The following SIM2 variants were observed in gnomAD, a reference collection of about 807,000 sequenced individuals.
The protein encoded by SIM2 is SIM bHLH transcription factor 2, also known as single-minded homolog 2.
A neutral mutation model predicts 64.8 loss-of-function variants in SIM2; 28 were observed. That is an observed-to-expected ratio of 0.43 (90% CI 0.32 to 0.59). The LOEUF (loss-of-function observed/expected upper bound fraction) is 0.59, where lower values mean the gene tolerates loss of function less well. SIM2 is among the 20% of genes least tolerant of loss of function. SIM2 has a pLI of 0.07. For missense variants in SIM2, 847 were observed against 871.4 expected (o/e 0.97, Z 0.35); for synonymous variants, 408 against 391.1 (o/e 1.04, Z -0.51).
At chr21:36,709,543 G>A in intron 2 of SIM2, 1 of 571,908 alleles carries the variant, frequency 1.7e-6, no homozygotes, top group Non-Finnish European at 3.3e-6. Flanking sequence ...GTGGTCAAGT[G>A]CTTTCCAATC....
chr21:36,720,204 C>T (rs559726731), intron 4 of SIM2: 17 of 388,676 alleles, frequency 4.4e-5, no homozygotes, highest in South Asian at 4.2e-4. Context: ...CTGCTCCCCT[C>T]GTGCTCTTGG....
chr21:36,715,082 G>T (rs1027711358), intron 3 of SIM2, among the ~76,000 whole-genome samples: 4 of 152,190 alleles, frequency 2.6e-5, no homozygotes, highest in African/African-American at 9.6e-5. Context: ...TAGAGCAACT[G>T]ATTTTTTCTG....
chr21:36,743,876 C>T (rs1243201744), intron 9 of SIM2, among the ~76,000 whole-genome samples: 1 of 152,228 alleles, frequency 6.6e-6, no homozygotes, highest in Non-Finnish European at 1.5e-5. Flanking sequence ...GTTAGAATAC[C>T]AGTCCATTGT....
rs1400648557 is a variant in SIM2 at position 36,744,917 on chromosome 21, G to A, written c.1357G>A (p.Val453Ile). 11 of 1,614,098 alleles carry A rather than the reference G, an allele frequency of 6.8e-6. No homozygotes were observed. Among genetic ancestry groups the A allele is most frequent in the Admixed American group, 1.7e-5 (1 of 60,010 alleles). The stretch of plus-strand genomic sequence containing the variant: ...CGGACACTTCCCTCTGGACTCTCAC[G>A]TCTTCAGCAGCAAAAAGCCAATGTT... ...HYGHFPLDSH[V>I]FSSKKPMLPA... The change falls in exon 10 of 11, where the codon GTC becomes ATC. Residue 453 changes from valine to isoleucine, a missense_variant. Around this residue, in one of 3 missense-constraint regions of SIM2, gnomAD observed 447 missense variants for 414.6 expected, o/e 1.08. Coordinates refer to ENST00000290399, the MANE Select transcript of SIM2 (RefSeq NM_005069.6).
At position 36,699,679 on chromosome 21, in the gene SIM2, C is replaced by A. The variant is rs1303641205; in HGVS notation, c.-68C>A. ...GCTCCCCCTTCCCCATCCCCGCCGC[C>A]GCAGCCCGAGCGGGGCTCCGCGGGC... is the stretch of plus-strand genomic sequence containing the variant. On this transcript the variant is annotated 5_prime_UTR_variant, in exon 1 of 11. Coordinates refer to ENST00000290399, the MANE Select transcript of SIM2 (RefSeq NM_005069.6). This position sits in a 1 kb window ranked among gnomAD's most constrained non-coding sequence, Gnocchi z 5.6. 1.9e-6 allele frequency: 3 copies of A among 1,547,000 alleles called. No individual in the cohort carries two copies. Among genetic ancestry groups the A allele is most frequent in the Non-Finnish European group, 2.6e-6 (3 of 1,145,690 alleles).
chr21:36,741,056 C>A (rs373286017), intron 7 of SIM2, among the ~76,000 whole-genome samples: 4 of 152,194 alleles, frequency 2.6e-5, no homozygotes, highest in Non-Finnish European at 5.9e-5. Context: ...AGCTGCTTAG[C>A]GGCCTGGAGT....
intron 7 of SIM2, among the ~76,000 whole-genome samples, chr21:36,737,984 C>CAAAAAA (rs71326699): frequency 2.2e-5 from 2 of 90,238 alleles, no homozygotes; most frequent in African/African-American, 9.5e-5. Context: ...AAAAAAAAAG[C>CAAAAAA]AAAAAAAAAG....
rs2088890584 is a variant in SIM2, at chr21:36,726,308, C to T, written c.733C>T (p.Leu245=). The T allele has an allele frequency of 1.2e-6, 2 of 1,612,636 alleles. No homozygotes were observed. The highest frequency in any genetic ancestry group is 1.7e-5 in the Admixed American group (1 of 59,962). ...CAGCCTTGACCTGAAGCTGATATTC[C>T]TGGATTCCAGGTGAGTTCGGCACCT... The part of the protein sequence containing the change: ...RASLDLKLIF[L]DSRVTEVTGY... Residue 245 remains leucine, a synonymous_variant, in exon 6 of 11, where the codon CTG becomes TTG. Coordinates refer to ENST00000290399, the MANE Select transcript of SIM2 (RefSeq NM_005069.6). This position sits in a 1 kb window ranked among gnomAD's most constrained non-coding sequence, Gnocchi z 4.5.
At chr21:36,730,879 G>A (rs549539008) in intron 6 of SIM2, among the ~76,000 whole-genome samples, 166 bp from the exon 7 acceptor site, 76 of 152,322 alleles carry the variant, frequency 5.0e-4, no homozygotes, top group African/African-American at 1.7e-3. Context: ...CACCGGGCTC[G>A]AGTTCAAAGA....
chr21:36,721,995 T>G (rs1425569679), intron 4 of SIM2, among the ~76,000 whole-genome samples: 1 of 152,164 alleles, frequency 6.6e-6, no homozygotes, highest in Non-Finnish European at 1.5e-5. Context: ...GATTCCCAAG[T>G]GCTCGATTTT....
chr21:36,701,412 G>T (rs2035887957), intron 1 of SIM2: 1 of 152,272 alleles, frequency 6.6e-6, no homozygotes, highest in Non-Finnish European at 1.5e-5. Context: ...CCCCGGTGGA[G>T]CGCAGAGGGC....
intron 4 of SIM2, chr21:36,720,399 T>C (rs2000548): frequency 0.31 from 48,273 of 157,426 alleles, 8,276 homozygotes; most frequent in Admixed American, 0.38. Context: ...TAAACCATCT[T>C]GGGGTCCCTA....
intron 10 of SIM2, among the ~76,000 whole-genome samples, chr21:36,746,838 G>C (rs1448577242): frequency 6.6e-6 from 1 of 152,146 alleles, no homozygotes; most frequent in African/African-American, 2.4e-5. Context: ...TTTGTGTGTC[G>C]GAAGCTGGCT....
intron 3 of SIM2, among the ~76,000 whole-genome samples, chr21:36,717,514 G>A (rs1400685911): frequency 6.9e-6 from 1 of 145,184 alleles, no homozygotes; most frequent in Non-Finnish European, 1.5e-5. Flanking sequence ...GTGGTGCGAT[G>A]TCGGCTTACT....
At chr21:36,701,810 G>A (rs539798081) in intron 1 of SIM2, among the ~76,000 whole-genome samples, 1 of 152,336 alleles carries the variant, frequency 6.6e-6, no homozygotes, top group East Asian at 1.9e-4. Context: ...TTCCGGGGAG[G>A]CGTGGTGGTA....
intron 7 of SIM2, among the ~76,000 whole-genome samples, chr21:36,737,870 G>A (rs2089087335): frequency 7.0e-6 from 1 of 143,216 alleles, no homozygotes; most frequent in Admixed American, 7.2e-5. Flanking sequence ...CTGAGGCAGG[G>A]AGAATCTCTT....
intron 1 of SIM2, 46 bp from the exon 2 acceptor site, chr21:36,709,122 G>C (rs762862050): frequency 6.5e-7 from 1 of 1,541,732 alleles, no homozygotes; most frequent in Non-Finnish European, 8.8e-7. Context: ...CCCAGGCATC[G>C]GGCTGGGCGC....
intron 2 of SIM2, chr21:36,709,854 A>G: frequency 4.5e-6 from 1 of 222,332 alleles, no homozygotes; most frequent in Non-Finnish European, 8.9e-6. Context: ...TTTGAGACGG[A>G]GTCTCACTCT....
intron 1 of SIM2, among the ~76,000 whole-genome samples, chr21:36,702,721 T>C (rs2088519807): frequency 2.0e-5 from 3 of 151,970 alleles, no homozygotes; most frequent in East Asian, 1.9e-4. Flanking sequence ...GGGGTTGGAA[T>C]AGGATCTGTC....
Sources: allele counts gnomAD v4.1 joint callset (sites outside exome capture counted in the v4.1 genomes callset), GRCh38; gene constraint gnomAD v4.1.1; regional missense constraint gnomAD v4.1.1; non-coding constraint Gnocchi (gnomAD v3.1); transcripts MANE v1.5; gene names NCBI Gene and HGNC (gene_info 2026-07-23, HGNC 2026-07-21).